Variants in CTIF observed in about 807,000 individuals in gnomAD.
CTIF encodes cap binding complex dependent translation initiation factor.
Under a neutral mutation model 66.0 loss-of-function variants are expected in CTIF, and 21 were observed. That is an observed-to-expected ratio of 0.32 (90% CI 0.23 to 0.46). CTIF has a LOEUF of 0.46. Among genes scored for constraint, CTIF ranks in the 20% least tolerant of loss-of-function variants. CTIF has a pLI of 1.00. For missense variants in CTIF, 739 were observed against 812.7 expected (o/e 0.91, Z 1.10); for synonymous variants, 345 against 326.4 (o/e 1.06, Z -0.62).
intron 2 of CTIF, among the ~76,000 whole-genome samples, chr18:48,626,004 T>C (rs185756250): frequency 0.024 from 3,387 of 138,950 alleles, 78 homozygotes; most frequent in Non-Finnish European, 0.039. Flanking sequence ...TTCTTTCTTT[T>C]TTTTTTTTTT....
chr18:48,627,517 G>A (rs896522483), intron 2 of CTIF, among the ~76,000 whole-genome samples: 8 of 151,982 alleles, frequency 5.3e-5, no homozygotes, highest in Admixed American at 2.6e-4. Context: ...CCAGGAGTTC[G>A]AGGCCAGCCT....
intron 3 of CTIF, among the ~76,000 whole-genome samples, chr18:48,642,369 C>A (rs760472129): frequency 4.7e-4 from 71 of 151,812 alleles, no homozygotes; most frequent in Non-Finnish European, 9.3e-4. Flanking sequence ...CTGACCTATG[C>A]CTTTGGGAAT....
At chr18:48,611,801 C>T (rs2090312711) in intron 1 of CTIF, among the ~76,000 whole-genome samples, 1 of 152,188 alleles carries the variant, frequency 6.6e-6, no homozygotes, top group African/African-American at 2.4e-5. Context: ...CTGATATTTT[C>T]AATTTAGTTA....
intron 9 of CTIF, among the ~76,000 whole-genome samples, chr18:48,762,484 A>T (rs1017634928): frequency 2.0e-4 from 31 of 152,192 alleles, no homozygotes; most frequent in African/African-American, 7.0e-4. Flanking sequence ...GGGTCATGGG[A>T]TGGTGGCCAC....
chr18:48,730,242 TCCGCGGTGTGAGGGGCCC>T (rs1323991153), intron 7 of CTIF, among the ~76,000 whole-genome samples: 5 of 132,616 alleles, frequency 3.8e-5, no homozygotes, highest in African/African-American at 6.2e-5. Context: ...GTGAGGGGCC[TCCGCGGTGTGAGGGGCCC>T]CCGCAGTGTG....
intron 9 of CTIF, among the ~76,000 whole-genome samples, chr18:48,773,953 G>A (rs542009237): frequency 6.6e-6 from 1 of 152,298 alleles, no homozygotes; most frequent in African/African-American, 2.4e-5. Flanking sequence ...TCCGCTCTAA[G>A]AGTATTTATA....
At chr18:48,827,626 A>G (rs1366374536) in intron 10 of CTIF, among the ~76,000 whole-genome samples, 1 of 152,130 alleles carries the variant, frequency 6.6e-6, no homozygotes, top group Non-Finnish European at 1.5e-5. Flanking sequence ...TTCCAGCCCT[A>G]ATCTTAGGCA....
intron 1 of CTIF, among the ~76,000 whole-genome samples, chr18:48,580,021 G>A (rs559516592): frequency 6.6e-5 from 10 of 152,310 alleles, no homozygotes; most frequent in Admixed American, 3.9e-4. Flanking sequence ...CCATCCATCC[G>A]TCCGTTCATC....
At chr18:48,572,900 G>A (rs2089447066) in intron 1 of CTIF, among the ~76,000 whole-genome samples, 1 of 152,136 alleles carries the variant, frequency 6.6e-6, no homozygotes, top group Non-Finnish European at 1.5e-5. Context: ...GGCCGAGGTG[G>A]GAGGATTAAT....
chr18:48,784,823 C>T (rs968786511), intron 9 of CTIF, among the ~76,000 whole-genome samples: 3 of 152,078 alleles, frequency 2.0e-5, no homozygotes, highest in Non-Finnish European at 1.5e-5. Flanking sequence ...GCAGGAGGAC[C>T]GCTGGGCAGA....
intron 1 of CTIF, among the ~76,000 whole-genome samples, chr18:48,608,485 G>A (rs1008011877): frequency 6.6e-6 from 1 of 152,100 alleles, no homozygotes; most frequent in African/African-American, 2.4e-5. Context: ...GAAAGTGGTG[G>A]GGGGGTGGGG....
chr18:48,798,950 G>A (rs927759580), intron 9 of CTIF, among the ~76,000 whole-genome samples: 21 of 152,312 alleles, frequency 1.4e-4, no homozygotes, highest in African/African-American at 5.1e-4. Flanking sequence ...TGTCAGTAGT[G>A]CCAAGAATGA....
chr18:48,677,933 C>A (rs1030560698), intron 6 of CTIF, among the ~76,000 whole-genome samples: 1 of 152,182 alleles, frequency 6.6e-6, no homozygotes, highest in Non-Finnish European at 1.5e-5. Flanking sequence ...TCTGAAGTCT[C>A]ACAAATACCC....
intron 9 of CTIF, among the ~76,000 whole-genome samples, chr18:48,816,429 C>T (rs2068365115): frequency 6.6e-6 from 1 of 152,210 alleles, no homozygotes. Context: ...CAGTGGCCTC[C>T]TGTGTGGTCT....
At chr18:48,800,656 C>T (rs928368795) in intron 9 of CTIF, among the ~76,000 whole-genome samples, 1 of 152,202 alleles carries the variant, frequency 6.6e-6, no homozygotes, top group Non-Finnish European at 1.5e-5. Context: ...CAGGCATCTG[C>T]GGAGGTGCTC....
At chr18:48,855,371 C>T (rs1465478539) in intron 10 of CTIF, among the ~76,000 whole-genome samples, 1 of 152,238 alleles carries the variant, frequency 6.6e-6, no homozygotes, top group Non-Finnish European at 1.5e-5. Context: ...ACCTACTAGA[C>T]ATAGTTCAAG....
intron 6 of CTIF, among the ~76,000 whole-genome samples, chr18:48,699,624 G>C (rs943965254): frequency 6.6e-6 from 1 of 152,198 alleles, no homozygotes. Flanking sequence ...GACCACAGAC[G>C]CAAGTGCTTA....
intron 7 of CTIF, among the ~76,000 whole-genome samples, chr18:48,718,662 A>G (rs926735084): frequency 2.0e-5 from 3 of 151,898 alleles, no homozygotes; most frequent in Non-Finnish European, 4.4e-5. Flanking sequence ...TGGGAGAGAG[A>G]TCTTTACTCA....
At chr18:48,750,953 C>T (rs59066169) in intron 7 of CTIF, among the ~76,000 whole-genome samples, 9,247 of 152,266 alleles carry the variant, frequency 0.061, 358 homozygotes, top group South Asian at 0.13. Context: ...AAGTTCAAAC[C>T]CAGGCTCTGC....
Sources: gnomAD v4.1 joint callset for allele counts (sites outside exome capture counted in the v4.1 genomes callset) on GRCh38, gnomAD v4.1.1 for gene constraint, MANE v1.5 for transcripts, NCBI Gene and HGNC (gene_info 2026-07-23, HGNC 2026-07-21) for gene names.